CTNNA2: variants seen among roughly 807,000 people sequenced by gnomAD.
The protein encoded by CTNNA2 is catenin alpha-2.
Under a neutral mutation model 101.0 loss-of-function variants are expected in CTNNA2, and 42 were observed. The observed-to-expected ratio is 0.42, with a 90% CI of 0.32 to 0.54. CTNNA2 has a LOEUF of 0.54. Ranked by LOEUF, CTNNA2 falls within the 20% of genes least tolerant of loss-of-function variation. The probability of loss-of-function intolerance (pLI) is 0.14; values close to 1 mark genes in which losing one functional copy is unlikely to be tolerated. For missense variants in CTNNA2, 871 were observed against 1,223.1 expected, an observed-to-expected ratio of 0.71 and a Z score of 4.29; for synonymous variants, 450 against 456.4, an observed-to-expected ratio of 0.99 and a Z score of 0.18.
At chr2:79,770,583 AT>A (rs1227166680) in intron 3 of CTNNA2, among the ~76,000 whole-genome samples, 1 of 152,234 alleles carries the variant, frequency 6.6e-6, no homozygotes, top group African/African-American at 2.4e-5. Flanking sequence ...AAATAGCTTC[AT>A]GTTATTAAGG....
intron 2 of CTNNA2, among the ~76,000 whole-genome samples, chr2:79,290,662 C>G (rs1161543109): frequency 6.6e-6 from 1 of 152,082 alleles, no homozygotes; most frequent in Non-Finnish European, 1.5e-5. Context: ...ACCAGCAGGC[C>G]GGCAGGCCAT....
At chr2:80,491,937 C>T (rs1034077452) in intron 9 of CTNNA2, among the ~76,000 whole-genome samples, 1 of 152,106 alleles carries the variant, frequency 6.6e-6, no homozygotes, top group African/African-American at 2.4e-5. Flanking sequence ...TGGGGGTATC[C>T]ACCGTCCATG....
intron 2 of CTNNA2, among the ~76,000 whole-genome samples, chr2:79,298,141 AGGCAT>A (rs1676025494): frequency 6.6e-6 from 1 of 152,184 alleles, no homozygotes; most frequent in African/African-American, 2.4e-5. Flanking sequence ...TAGGCTTCAT[AGGCAT>A]GGCATGGGCA....
intron 4 of CTNNA2, among the ~76,000 whole-genome samples, chr2:79,416,241 C>G (rs1678479008): frequency 7.4e-6 from 1 of 135,106 alleles, no homozygotes; most frequent in Admixed American, 7.6e-5. Flanking sequence ...GTCTCCTTGT[C>G]TTCTTCTTTC....
At chr2:80,200,568 C>T (rs1029701440) in intron 7 of CTNNA2, among the ~76,000 whole-genome samples, 3 of 152,120 alleles carry the variant, frequency 2.0e-5, no homozygotes, top group Non-Finnish European at 2.9e-5. Context: ...TGGAGTCTCA[C>T]TGTATCACCC....
At chr2:79,490,970 T>C (rs59422016) in intron 4 of CTNNA2, among the ~76,000 whole-genome samples, 4,918 of 152,244 alleles carry the variant, frequency 0.032, 208 homozygotes, top group East Asian at 0.13. Context: ...TGCATTGTCA[T>C]GGCACATACA....
At chr2:79,316,500 A>C (rs1209726732) in intron 3 of CTNNA2, among the ~76,000 whole-genome samples, 6 of 152,052 alleles carry the variant, frequency 3.9e-5, no homozygotes, top group African/African-American at 1.4e-4. Flanking sequence ...TCTGTAGATC[A>C]GTTTGAATAA....
At chr2:79,333,920 G>A (rs1676933060) in intron 3 of CTNNA2, among the ~76,000 whole-genome samples, 1 of 151,972 alleles carries the variant, frequency 6.6e-6, no homozygotes, top group Admixed American at 6.6e-5. Context: ...TCATTCGTAT[G>A]GTGTGGTTTT....
intron 7 of CTNNA2, among the ~76,000 whole-genome samples, chr2:80,167,966 A>T (rs1473602112): frequency 6.6e-6 from 1 of 152,154 alleles, no homozygotes; most frequent in African/African-American, 2.4e-5. Flanking sequence ...ATCAGCGTGT[A>T]TTTGTGTGCT....
Position 80,260,895 on chromosome 2 carries a change from A to G in CTNNA2, c.1057-132316A>G, listed in dbSNP as rs115000545. Among the ~76,000 whole-genome samples, 581 of 152,270 alleles carry G rather than the reference A, an allele frequency of 3.8e-3. 3 individuals are homozygous for G. The highest frequency in any genetic ancestry group is 0.013 in the African/African-American group (549 of 41,556). On this transcript the variant is annotated intron_variant, in intron 7 of 18. Coordinates refer to ENST00000402739, the MANE Select transcript of CTNNA2 (RefSeq NM_001282597.3). ...TTTTTTCCACCAAAGCAATCATTGT[A>G]AAATATTTAGGTAACATTTGTTACC...
In CTNNA2 at chr2:80,147,211, C is replaced by T. The variant is rs188684464; in HGVS notation, c.1056+237414C>T. Among the ~76,000 whole-genome samples, 11 of 152,104 alleles carry T rather than the reference C, an allele frequency of 7.2e-5. No individual in the cohort carries two copies. In the East Asian group the frequency reaches 1.4e-3, roughly 19 times the overall value. On this transcript the variant is annotated intron_variant, in intron 7 of 18. Coordinates refer to ENST00000402739, the MANE Select transcript of CTNNA2 (RefSeq NM_001282597.3). ...GAACTCCTGACTTCAGGTGATCCAC[C>T]GGCCTTGGCTTCCCAAAGTGCTGGG...
chr2:79,452,888 A>G (rs1027368867), intron 4 of CTNNA2, among the ~76,000 whole-genome samples: 1 of 152,132 alleles, frequency 6.6e-6, no homozygotes, highest in African/African-American at 2.4e-5. Context: ...GGATGAGACG[A>G]AGAAGTAATT....
At position 79,990,856 on chromosome 2, in the gene CTNNA2, C is replaced by T. The variant is rs1196034399; in HGVS notation, c.1056+81059C>T. Among the ~76,000 whole-genome samples, 5 of 152,260 alleles carry T rather than the reference C, an allele frequency of 3.3e-5. No homozygotes were observed. The East Asian group carries it at 7.7e-4, about 24-fold the overall frequency. ...TGGAATAGTTTCAGAAGGAATGGTA[C>T]CAGCTCCTCCTTGTACCTCTGGTAG... On this transcript the variant is annotated intron_variant, in intron 7 of 18. Coordinates refer to ENST00000402739, the MANE Select transcript of CTNNA2 (RefSeq NM_001282597.3).
chr2:79,382,048 A>C (rs1013501067), intron 4 of CTNNA2, among the ~76,000 whole-genome samples: 2 of 152,174 alleles, frequency 1.3e-5, no homozygotes, highest in African/African-American at 4.8e-5. Flanking sequence ...GAGTAGACTG[A>C]GTAAAGAACA....
chr2:80,362,521 C>A (rs467792), intron 7 of CTNNA2, among the ~76,000 whole-genome samples: 1 of 152,032 alleles, frequency 6.6e-6, no homozygotes, highest in Admixed American at 6.6e-5. Context: ...CACACAGGGC[C>A]TAAGAAAAGT....
intron 4 of CTNNA2, among the ~76,000 whole-genome samples, chr2:79,437,795 T>G (rs1678733245): frequency 6.6e-6 from 1 of 152,192 alleles, no homozygotes; most frequent in African/African-American, 2.4e-5. Context: ...GCCATTATTC[T>G]CACATGACCC....
chr2:79,938,769 T>G (rs1344051518), intron 7 of CTNNA2, among the ~76,000 whole-genome samples: 1 of 152,214 alleles, frequency 6.6e-6, no homozygotes, highest in Non-Finnish European at 1.5e-5. Context: ...GTAATGTAGT[T>G]ACTACAAGGC....
At chr2:80,361,008 G>A (rs1349074983) in intron 7 of CTNNA2, among the ~76,000 whole-genome samples, 1 of 151,916 alleles carries the variant, frequency 6.6e-6, no homozygotes, top group Non-Finnish European at 1.5e-5. Context: ...CCTGGGAATG[G>A]ATGGTATACA....
intron 18 of CTNNA2, among the ~76,000 whole-genome samples, chr2:80,619,599 G>C (rs1670896725): frequency 6.6e-6 from 1 of 151,858 alleles, no homozygotes; most frequent in Non-Finnish European, 1.5e-5. Context: ...AGATTTCAGG[G>C]TCATGAAATA....
Sources: allele counts gnomAD v4.1 joint callset (sites outside exome capture counted in the v4.1 genomes callset), GRCh38; gene constraint gnomAD v4.1.1; transcripts MANE v1.5; gene names NCBI Gene and HGNC (gene_info 2026-07-23, HGNC 2026-07-21).